The following FGD4 variants were observed in gnomAD, a reference collection of about 807,000 sequenced individuals.
FGD4 encodes the protein FYVE, RhoGEF and PH domain containing 4.
In FGD4, 42 loss-of-function variants were observed where a neutral mutation model predicts 102.0. That is an observed-to-expected ratio of 0.41 (90% CI 0.32 to 0.53). The LOEUF (loss-of-function observed/expected upper bound fraction) is 0.53. Among genes scored for constraint, FGD4 ranks in the 20% least tolerant of loss-of-function variants. FGD4 has a pLI of 0.21. For synonymous variants in FGD4, 380 were observed against 375.7 expected, an observed-to-expected ratio of 1.01 and a Z score of -0.13; for missense variants, 902 against 1,078.2, an observed-to-expected ratio of 0.84 and a Z score of 2.29.
intron 1 of FGD4, among the ~76,000 whole-genome samples, chr12:32,460,099 C>A (rs1222499156): frequency 6.6e-6 from 1 of 152,114 alleles, no homozygotes; most frequent in Non-Finnish European, 1.5e-5. Context: ...GAATTTACAT[C>A]CACTGTTATT....
rs373750511 is a variant in FGD4, at chr12:32,405,871, C to CT, written c.166+5922dup. Among the ~76,000 whole-genome samples the CT allele has an allele frequency of 3.3e-3, 494 of 148,812 alleles. 2 individuals are homozygous for CT. The highest frequency in any genetic ancestry group is 0.01 in the African/African-American group (421 of 40,504). On this transcript the variant is annotated intron_variant, in intron 1 of 16. Transcript: ENST00000534526. ...ACTTGTATTGCTCTTACTCAAATCT[C>CT]TTTTTTTTTTCAAATACGCATTTGC...
intron 1 of FGD4, among the ~76,000 whole-genome samples, chr12:32,408,154 A>G (rs1030611816): frequency 7.1e-6 from 1 of 140,830 alleles, no homozygotes; most frequent in East Asian, 2.1e-4. Flanking sequence ...CCACACCATC[A>G]TGTCCAGCCA....
rs750580350 is a variant in FGD4, at chr12:32,640,498, G to A, written c.2677G>A (p.Asp893Asn). The A allele has an allele frequency of 1.2e-6, 2 of 1,614,006 alleles. No homozygotes were observed. The highest frequency in any genetic ancestry group is 1.7e-6 in the Non-Finnish European group (2 of 1,180,032). ...GPNEHPATLD[D>N]HPEPKKKSEC is the part of the protein sequence containing the mutation. The stretch of plus-strand genomic sequence containing the variant: ...AAATGAGCATCCAGCCACCTTGGAT[G>A]ATCATCCTGAACCTAAGAAAAAATC... The change falls in exon 17 of 17, where the codon GAT becomes AAT. Residue 893 changes from aspartate to asparagine, a missense_variant. Physicochemically the swap from Asp to Asn is conservative, Grantham distance 23 (BLOSUM62 1). Coordinates refer to ENST00000534526, the MANE Select transcript of FGD4 (RefSeq NM_001370298.3).
chr12:32,594,501 A>G (rs1592336217), intron 4 of FGD4, among the ~76,000 whole-genome samples: 1 of 152,314 alleles, frequency 6.6e-6, no homozygotes, highest in Non-Finnish European at 1.5e-5. Flanking sequence ...TAATAATAAT[A>G]GAAATAAAGT....
intron 1 of FGD4, among the ~76,000 whole-genome samples, chr12:32,499,220 T>A (rs150415738): frequency 3.3e-5 from 5 of 152,318 alleles, no homozygotes; most frequent in African/African-American, 1.2e-4. Context: ...AGATAAATTA[T>A]CAGGCTCCTG....
chr12:32,563,322 G>A (rs1253262536), intron 1 of FGD4, among the ~76,000 whole-genome samples: 5 of 151,846 alleles, frequency 3.3e-5, no homozygotes, highest in Non-Finnish European at 5.9e-5. Context: ...CCTCCCAGAC[G>A]GGGTCGCGGC....
At chr12:32,436,364 A>G (rs1942228033) in intron 1 of FGD4, among the ~76,000 whole-genome samples, 1 of 152,236 alleles carries the variant, frequency 6.6e-6, no homozygotes, top group Non-Finnish European at 1.5e-5. Flanking sequence ...AAAGTGGCAC[A>G]AGGAGACAAA....
intron 10 of FGD4, 22 bp downstream of exon 10, chr12:32,611,305 A>C: frequency 1.9e-6 from 3 of 1,613,872 alleles, no homozygotes; most frequent in Non-Finnish European, 2.5e-6. Context: ...AGTGTTGGCA[A>C]GTCATATAAG....
chr12:32,402,418 A>G lies in FGD4; in HGVS notation c.166+2459A>G, dbSNP rs1940718435. Among the ~76,000 whole-genome samples the G allele has an allele frequency of 2.6e-5, 4 of 151,388 alleles. No individual in the cohort carries two copies. In the South Asian group the frequency reaches 8.4e-4, roughly 32 times the overall value. On this transcript the variant is annotated intron_variant, in intron 1 of 16. Coordinates refer to ENST00000534526, the MANE Select transcript of FGD4 (RefSeq NM_001370298.3). The stretch of plus-strand genomic sequence containing the variant: ...GTCTCAAAAAGAGAGGGAGAGGGAG[A>G]GAGAGAGAGAGAGGGGAGGGGAGTC...
chr12:32,645,269 A>C lies in FGD4; in HGVS notation c.*4736A>C, dbSNP rs1951350773. On this transcript the variant is annotated 3_prime_UTR_variant, in exon 17 of 17. Coordinates refer to ENST00000534526, the MANE Select transcript of FGD4 (RefSeq NM_001370298.3). ...GGGGGGTTCTCTTCATTAGCAAAAC[A>C]GTCATGTCTGTCTGTATATAAGACT... 6.6e-6 allele frequency: 1 copy of C among 152,126 alleles called. No homozygotes were observed. The highest frequency in any genetic ancestry group is 2.1e-4 in the South Asian group (1 of 4,832). 9.4% of individuals were successfully genotyped at this position (152,126 alleles called of 1,614,324 possible).
chr12:32,644,888 C>CAAAAAA lies in FGD4; in HGVS notation c.*4364_*4369dup, dbSNP rs35874340. The CAAAAAA allele has an allele frequency of 7.1e-6, 1 of 141,454 alleles. No homozygotes were observed. The highest frequency in any genetic ancestry group is 2.2e-4 in the South Asian group (1 of 4,504). The allele number at this position is 141,454 out of a possible 1,614,324, so 8.8% of individuals were successfully genotyped here. Reference sequence around the variant, plus strand: ...TCATTTTCTGTACTGTTTACTGAGGCAAAAAAAAAAAAAATCTGAAGTCAA... The same window carrying CAAAAAA: ...TCATTTTCTGTACTGTTTACTGAGGCAAAAAAAAAAAAAAAAAAAATCTGAAGTCAA... On this transcript the variant is annotated 3_prime_UTR_variant, in exon 17 of 17. Transcript: ENST00000534526.
chr12:32,640,627 G>GA lies in FGD4; in HGVS notation c.*99dup. The GA allele has an allele frequency of 6.4e-7, 1 of 1,553,386 alleles. No homozygotes were observed. The highest frequency in any genetic ancestry group is 8.8e-7 in the Non-Finnish European group (1 of 1,134,424). ...TACACATCTGCTAGCACTTTATGTT[G>GA]AAAAATATAGGCCCATAAATGCATC... is the stretch of plus-strand genomic sequence containing the variant. On this transcript the variant is annotated 3_prime_UTR_variant, in exon 17 of 17. Coordinates refer to ENST00000534526, the MANE Select transcript of FGD4 (RefSeq NM_001370298.3).
At chr12:32,525,045 G>A (rs1039718527) in intron 1 of FGD4, among the ~76,000 whole-genome samples, 5 of 152,146 alleles carry the variant, frequency 3.3e-5, no homozygotes, top group African/African-American at 1.2e-4. Flanking sequence ...CAAGAATTAG[G>A]ATGTTACCAA....
chr12:32,412,520 G>A (rs1183165023), intron 1 of FGD4, among the ~76,000 whole-genome samples: 1 of 152,154 alleles, frequency 6.6e-6, no homozygotes, highest in Non-Finnish European at 1.5e-5. Flanking sequence ...GCCCACACCT[G>A]TGTTCCAGCA....
intron 1 of FGD4, among the ~76,000 whole-genome samples, chr12:32,529,139 G>A (rs565587062): frequency 5.3e-5 from 8 of 151,714 alleles, no homozygotes; most frequent in Non-Finnish European, 1.2e-4. Flanking sequence ...TTTTTGAGAC[G>A]CAGTCTCACT....
intron 1 of FGD4, among the ~76,000 whole-genome samples, chr12:32,504,315 C>A (rs928467079): frequency 2.0e-5 from 3 of 152,118 alleles, no homozygotes; most frequent in Non-Finnish European, 4.4e-5. Flanking sequence ...CATCTGTGAT[C>A]CCAACTAGGG....
chr12:32,560,808 T>G (rs1944481783), intron 1 of FGD4, among the ~76,000 whole-genome samples: 1 of 151,784 alleles, frequency 6.6e-6, no homozygotes, highest in Non-Finnish European at 1.5e-5. Flanking sequence ...TCCTCTCACC[T>G]CAACCTCCCC....
intron 1 of FGD4, among the ~76,000 whole-genome samples, chr12:32,474,638 G>A (rs1261577417): frequency 6.6e-6 from 1 of 152,138 alleles, no homozygotes; most frequent in Non-Finnish European, 1.5e-5. Context: ...GGTTGGGAGA[G>A]GTGGCTCATG....
intron 1 of FGD4, among the ~76,000 whole-genome samples, chr12:32,442,915 T>C (rs1942492997): frequency 6.6e-6 from 1 of 152,188 alleles, no homozygotes; most frequent in South Asian, 2.1e-4. Context: ...ATTGTGGTCT[T>C]AATTTGTGTT....
Sources: allele counts gnomAD v4.1 joint callset (sites outside exome capture counted in the v4.1 genomes callset), GRCh38; gene constraint gnomAD v4.1.1; transcripts MANE v1.5; gene names NCBI Gene and HGNC (gene_info 2026-07-23, HGNC 2026-07-21).